CACNA1S: variants seen among roughly 807,000 people sequenced by gnomAD.
CACNA1S encodes calcium voltage-gated channel subunit alpha1 S.
CACNA1S carries 126 observed loss-of-function variants against 207.4 expected under a neutral mutation model. That is an observed-to-expected ratio of 0.61 (90% CI 0.53 to 0.70). The LOEUF is 0.70. Ranked by LOEUF, CACNA1S falls within the 30% of genes least tolerant of loss-of-function variation. The probability of loss-of-function intolerance (pLI) is 0.00; values close to 1 mark genes in which losing one functional copy is unlikely to be tolerated. For synonymous variants in CACNA1S, 960 were observed against 932.7 expected (o/e 1.03, Z -0.53); for missense variants, 2,349 against 2,422.8 (o/e 0.97, Z 0.64).
In CACNA1S at chr1:201,074,188, C is replaced by T. The variant is rs10920106; in HGVS notation, c.2063+318G>A. ...ACTCCAACCCCGCCCAGAGGCATAG[C>T]GACTCAGTGACAGGGTTGGGAGGGG... is the stretch of plus-strand genomic sequence containing the variant. On this transcript the variant is annotated intron_variant, in intron 14 of 43. Transcript: ENST00000362061. Among the ~76,000 whole-genome samples the T allele has an allele frequency of 0.17, 26,221 of 152,254 alleles. 2,514 individuals are homozygous for T. The highest frequency in any genetic ancestry group is 0.26 in the Middle Eastern group (76 of 292).
chr1:201,112,398 G>T lies in CACNA1S; in HGVS notation c.-59C>A. ...CCCACCCCAGTGCTTTCCCTTCCCT[G>T]TGTCCCCAATGCCCCCGCCTTGGGG... On this transcript the variant is annotated 5_prime_UTR_variant, in exon 1 of 44. Coordinates refer to ENST00000362061, the MANE Select transcript of CACNA1S (RefSeq NM_000069.3). 2 of 1,611,518 alleles carry T rather than the reference G, an allele frequency of 1.2e-6. No homozygotes were observed. The highest frequency in any genetic ancestry group is 2.2e-5 in the East Asian group (1 of 44,838).
In CACNA1S at chr1:201,085,596, G is replaced by A; in HGVS notation, c.1005-15C>T. On this transcript the variant is annotated splice_polypyrimidine_tract_variant and intron_variant, in intron 7 of 43. Coordinates refer to ENST00000362061, the MANE Select transcript of CACNA1S (RefSeq NM_000069.3). ...TGGTGAATTCCCTGAAATGAGATGGGGGAGCCAGGAGAGGAGGAGAAGAGG... is the reference window on the plus strand; with the variant it reads ...TGGTGAATTCCCTGAAATGAGATGGAGGAGCCAGGAGAGGAGGAGAAGAGG... 1 of 1,613,600 alleles carries A rather than the reference G, an allele frequency of 6.2e-7. No individual in the cohort carries two copies. The highest frequency in any genetic ancestry group is 1.3e-5 in the African/African-American group (1 of 74,904).
intron 16 of CACNA1S, 76 bp downstream of exon 16, chr1:201,072,679 A>G: frequency 1.9e-6 from 2 of 1,048,006 alleles, no homozygotes; most frequent in South Asian, 2.5e-5. Context: ...GAGACTGCCC[A>G]TGGGGAGAAT....
chr1:201,060,830 A>G lies in CACNA1S; in HGVS notation c.3256-14T>C, dbSNP rs1379262134. On this transcript the variant is annotated splice_polypyrimidine_tract_variant and intron_variant, in intron 25 of 43. Transcript: ENST00000362061. ...TACACATTGGCGCTGTGACACATAC[A>G]ACAGGACAGGTCAGCACCAAGAGGC... The G allele has an allele frequency of 6.2e-7, 1 of 1,613,974 alleles. No individual in the cohort carries two copies. Among genetic ancestry groups the G allele is most frequent in the African/African-American group, 1.3e-5 (1 of 74,924 alleles).
intron 38 of CACNA1S, among the ~76,000 whole-genome samples, chr1:201,045,820 G>A (rs1660451908): frequency 6.6e-6 from 1 of 151,080 alleles, no homozygotes; most frequent in South Asian, 2.1e-4. Flanking sequence ...AATTATGCAG[G>A]ATAACGCCCT....
Position 201,060,782 on chromosome 1 carries a change from G to T in CACNA1S, c.3290C>A (p.Pro1097Gln). 1 of 1,614,208 alleles carries T rather than the reference G, an allele frequency of 6.2e-7. No individual in the cohort carries two copies. The highest frequency in any genetic ancestry group is 8.5e-7 in the Non-Finnish European group (1 of 1,180,036). The change falls in exon 26 of 44, where the codon CCA becomes CAA. Residue 1097 changes from proline to glutamine, a missense_variant. Physicochemically the swap from Pro to Gln is moderately conservative, Grantham distance 76 (BLOSUM62 -1). Coordinates refer to ENST00000362061, the MANE Select transcript of CACNA1S (RefSeq NM_000069.3). ...GTTTTTGGGAATGTAGCACCTCAGT[G>T]GGCGGGCCTTCAGGGCATACTGTAC... ...QCVQYALKARPLRCYIPKNPY... is the reference protein window; with the variant it reads ...QCVQYALKARQLRCYIPKNPY...
At chr1:201,092,411 GGC>G (rs1662269631) in intron 3 of CACNA1S, among the ~76,000 whole-genome samples, 1 of 152,142 alleles carries the variant, frequency 6.6e-6, no homozygotes, top group Non-Finnish European at 1.5e-5. Context: ...GACAGTCCCT[GGC>G]CCTGGGGCTG....
At chr1:201,090,018 C>T (rs1478236388) in intron 5 of CACNA1S, among the ~76,000 whole-genome samples, 1 of 152,250 alleles carries the variant, frequency 6.6e-6, no homozygotes, top group African/African-American at 2.4e-5. Flanking sequence ...CTCTAAAATC[C>T]TGTACTTCTG....
At chr1:201,102,124 G>A (rs1347046583) in intron 2 of CACNA1S, among the ~76,000 whole-genome samples, 1 of 152,222 alleles carries the variant, frequency 6.6e-6, no homozygotes, top group African/African-American at 2.4e-5. Context: ...TGAGGTTTCT[G>A]TGGTGCTGGA....
chr1:201,089,292 A>G lies in CACNA1S; in HGVS notation c.866T>C (p.Ile289Thr). 2 of 1,614,270 alleles carry G rather than the reference A, an allele frequency of 1.2e-6. No individual in the cohort carries two copies. The highest frequency in any genetic ancestry group is 4.5e-5 in the East Asian group (2 of 44,892). ...GFSMLTVYQCITMEGWTDVLY... is the reference protein window; with the variant it reads ...GFSMLTVYQCTTMEGWTDVLY... ...GACGTCAGTCCATCCCTCCATGGTA[A>G]TGCACTGGTACACGGTGAGCATGGA... The change falls in exon 6 of 44, where the codon ATT becomes ACT. Residue 289 changes from isoleucine to threonine, a missense_variant. Ile to Thr is a moderately conservative substitution (Grantham distance 89). Coordinates refer to ENST00000362061, the MANE Select transcript of CACNA1S (RefSeq NM_000069.3).
rs1558047866 is a variant in CACNA1S at position 201,040,096 on chromosome 1, A to G, written c.5371-14T>C. 6.2e-7 allele frequency: 1 copy of G among 1,613,958 alleles called. No individual in the cohort carries two copies. The highest frequency in any genetic ancestry group is 8.5e-7 in the Non-Finnish European group (1 of 1,179,872). Reference sequence around the variant, plus strand: ...TCGAACCAGAGCCTGCAGGGAGGAGAGTAGGCTGAGTGGGGTCTTCCTGGG... The same window carrying G: ...TCGAACCAGAGCCTGCAGGGAGGAGGGTAGGCTGAGTGGGGTCTTCCTGGG... On this transcript the variant is annotated splice_polypyrimidine_tract_variant and intron_variant, in intron 43 of 43. Transcript: ENST00000362061.
chr1:201,039,715 C>T lies in CACNA1S; in HGVS notation c.*116G>A. The T allele has an allele frequency of 7.0e-7, 1 of 1,429,080 alleles. No homozygotes were observed. The highest frequency in any genetic ancestry group is 1.2e-5 in the South Asian group (1 of 85,196). The allele number at this position is 1,429,080 out of a possible 1,614,324, so 88.5% of individuals were successfully genotyped here. A position where few individuals can be genotyped will look rare whatever the true frequency, so the allele number is the denominator to read the frequency against. ...GACCACCCTGCCTCAGGCCATGCATCTAGCTGCTGAGAGGGAGGGAGGCTG... is the reference window on the plus strand; with the variant it reads ...GACCACCCTGCCTCAGGCCATGCATTTAGCTGCTGAGAGGGAGGGAGGCTG... On this transcript the variant is annotated 3_prime_UTR_variant, in exon 44 of 44. Transcript: ENST00000362061.
intron 10 of CACNA1S, among the ~76,000 whole-genome samples, chr1:201,081,911 A>C (rs1243407639): frequency 1.3e-5 from 2 of 152,062 alleles, no homozygotes; most frequent in East Asian, 3.9e-4. Context: ...TCACGATTGT[A>C]GGCTTTCCAA....
intron 19 of CACNA1S, among the ~76,000 whole-genome samples, chr1:201,067,639 C>T (rs750241227): frequency 1.3e-5 from 2 of 152,186 alleles, no homozygotes; most frequent in African/African-American, 4.8e-5. Flanking sequence ...TGCAATATAT[C>T]CCAGCCCAAA....
intron 36 of CACNA1S, 65 bp downstream of exon 36, chr1:201,048,507 GAGAATCTGGC>G: frequency 7.9e-7 from 1 of 1,259,950 alleles, no homozygotes; most frequent in South Asian, 1.2e-5. Flanking sequence ...CTTGAGCTCT[GAGAATCTGGC>G]AGAATCTGTG....
intron 40 of CACNA1S, 79 bp downstream of exon 40, chr1:201,043,202 T>C (rs947225574): frequency 4.2e-5 from 67 of 1,597,004 alleles, no homozygotes; most frequent in Non-Finnish European, 5.5e-5. Context: ...TGGGGTACCC[T>C]CTTCCAATCC....
intron 2 of CACNA1S, among the ~76,000 whole-genome samples, chr1:201,108,664 T>C (rs1662988942): frequency 6.6e-6 from 1 of 152,028 alleles, no homozygotes. Context: ...GCTCAGAGTG[T>C]TTTCCCCTCA....
At chr1:201,079,396 T>A (rs1364997655) in intron 10 of CACNA1S, among the ~76,000 whole-genome samples, 1 of 152,184 alleles carries the variant, frequency 6.6e-6, no homozygotes, top group Non-Finnish European at 1.5e-5. Context: ...CACTGGGCAC[T>A]GTTGACCATT....
At chr1:201,085,623 AAC>A in intron 7 of CACNA1S, 42 bp from the exon 8 acceptor site, 1 of 1,610,980 alleles carries the variant, frequency 6.2e-7, no homozygotes, top group Non-Finnish European at 8.5e-7. Flanking sequence ...GAGAAGAGGG[AAC>A]AGTGTCAAGG....
Sources: allele counts gnomAD v4.1 joint callset (sites outside exome capture counted in the v4.1 genomes callset), GRCh38; gene constraint gnomAD v4.1.1; transcripts MANE v1.5; gene names NCBI Gene and HGNC (gene_info 2026-07-23, HGNC 2026-07-21).